The following MTUS1 variants were observed in gnomAD, a reference collection of about 807,000 sequenced individuals.
The protein encoded by MTUS1 is microtubule-associated tumor suppressor 1.
A neutral mutation model predicts 120.8 loss-of-function variants in MTUS1; 109 were observed. That is an observed-to-expected ratio of 0.90 (90% CI 0.77 to 1.06). The LOEUF (loss-of-function observed/expected upper bound fraction) is 1.06, where lower values mean the gene tolerates loss of function less well. MTUS1 is among the 50% of genes least tolerant of loss of function. The pLI is 0.00. For missense variants in MTUS1, 2,210 were observed against 1,486.3 expected (o/e 1.49, Z -8.01); for synonymous variants, 737 against 550.5 (o/e 1.34, Z -4.74).
chr8:17,789,485 AC>A (rs2051591821), intron 1 of MTUS1, among the ~76,000 whole-genome samples: 1 of 152,192 alleles, frequency 6.6e-6, no homozygotes, highest in Non-Finnish European at 1.5e-5. Flanking sequence ...ATGACCATGA[AC>A]ATTTCCTTGT....
chr8:17,707,202 T>C (rs1288357300), intron 6 of MTUS1, among the ~76,000 whole-genome samples: 2 of 152,314 alleles, frequency 1.3e-5, no homozygotes, highest in Admixed American at 1.3e-4. Flanking sequence ...AATATCACAG[T>C]AGGGAGAAAT....
chr8:17,761,288 A>G (rs1413147018), intron 1 of MTUS1, among the ~76,000 whole-genome samples: 1 of 152,200 alleles, frequency 6.6e-6, no homozygotes, highest in Non-Finnish European at 1.5e-5. Flanking sequence ...CAAAGATAAA[A>G]AATTCCATTA....
intron 1 of MTUS1, among the ~76,000 whole-genome samples, chr8:17,760,381 G>T (rs1364429559): frequency 6.6e-6 from 1 of 152,050 alleles, no homozygotes; most frequent in African/African-American, 2.4e-5. Flanking sequence ...GTGGTACAGG[G>T]ATTTGGATAT....
At chr8:17,756,954 G>C (rs1467914495) in intron 1 of MTUS1, among the ~76,000 whole-genome samples, 1 of 152,168 alleles carries the variant, frequency 6.6e-6, no homozygotes, top group East Asian at 1.9e-4. Flanking sequence ...AGTTTTTGTT[G>C]TTTAAGCCAT....
chr8:17,748,016 C>T (rs1222037676), intron 2 of MTUS1: 1 of 152,146 alleles, frequency 6.6e-6, no homozygotes, highest in Non-Finnish European at 1.5e-5. Context: ...TTATTCAATT[C>T]CCTCCCACTG....
intron 6 of MTUS1, among the ~76,000 whole-genome samples, chr8:17,711,991 G>A (rs965682890): frequency 5.9e-5 from 9 of 152,140 alleles, no homozygotes; most frequent in African/African-American, 2.2e-4. Context: ...GGTCCATGGT[G>A]TCCCAAAACA....
At chr8:17,697,361 T>C (rs1199316076) in intron 6 of MTUS1, 12 of 1,613,890 alleles carry the variant, frequency 7.4e-6, no homozygotes, top group East Asian at 2.2e-5. Flanking sequence ...TAAGGAGAAT[T>C]TGGGAGACAA....
intron 7 of MTUS1, chr8:17,676,137 A>G (rs373666699): frequency 9.4e-6 from 6 of 638,002 alleles, no homozygotes; most frequent in Non-Finnish European, 1.7e-5. Context: ...TCCTGATCAC[A>G]GCGTTGCAGA....
intron 1 of MTUS1, among the ~76,000 whole-genome samples, chr8:17,756,970 G>A (rs552428657): frequency 9.8e-5 from 15 of 152,324 alleles, no homozygotes; most frequent in African/African-American, 3.6e-4. Flanking sequence ...GCCATCCAGT[G>A]TATGATAATT....
At chr8:17,785,644 T>C (rs1227604549) in intron 1 of MTUS1, among the ~76,000 whole-genome samples, 1 of 152,232 alleles carries the variant, frequency 6.6e-6, no homozygotes, top group East Asian at 1.9e-4. Context: ...AAAATCTTGG[T>C]ACACTGTATT....
rs573229117 is a variant in MTUS1, at chr8:17,669,611, C to T, written c.2905+5575G>A. Among the ~76,000 whole-genome samples, 6 of 152,160 alleles carry T rather than the reference C, an allele frequency of 3.9e-5. No homozygotes were observed. The South Asian group carries it at 8.3e-4, about 21-fold the overall frequency. On this transcript the variant is annotated intron_variant, in intron 8 of 14. Transcript: ENST00000693296. Reference sequence around the variant, plus strand: ...CTATAATCCCAACACTTTGGGAGGCCGCAGCAGGTGGATCACCTGAGGTCA... The same window carrying T: ...CTATAATCCCAACACTTTGGGAGGCTGCAGCAGGTGGATCACCTGAGGTCA...
At chr8:17,714,963 T>G (rs965255181) in intron 5 of MTUS1, among the ~76,000 whole-genome samples, 55 of 129,686 alleles carry the variant, frequency 4.2e-4, no homozygotes, top group African/African-American at 1.5e-3. Flanking sequence ...GGGAGTGCAG[T>G]GGCGCGATCT....
intron 8 of MTUS1, among the ~76,000 whole-genome samples, chr8:17,657,309 C>T (rs1242388414): frequency 6.6e-6 from 1 of 151,740 alleles, no homozygotes; most frequent in Admixed American, 6.6e-5. Flanking sequence ...TGGCTCACGC[C>T]TGTAATCCCA....
At chr8:17,725,050 C>G (rs568543087) in intron 3 of MTUS1, among the ~76,000 whole-genome samples, 6 of 152,242 alleles carry the variant, frequency 3.9e-5, no homozygotes, top group African/African-American at 1.4e-4. Context: ...ACCACCCCAC[C>G]CAGCCATATA....
At chr8:17,676,816 G>T (rs1182182487) in intron 7 of MTUS1, among the ~76,000 whole-genome samples, 1 of 152,160 alleles carries the variant, frequency 6.6e-6, no homozygotes, top group African/African-American at 2.4e-5. Flanking sequence ...TATGAACTAG[G>T]TGAAGAGCAA....
chr8:17,781,729 C>G (rs1301664853), intron 1 of MTUS1, among the ~76,000 whole-genome samples: 1 of 152,184 alleles, frequency 6.6e-6, no homozygotes, highest in African/African-American at 2.4e-5. Flanking sequence ...TCCTGCTCGA[C>G]GGCCTCCTGC....
intron 2 of MTUS1, among the ~76,000 whole-genome samples, chr8:17,745,526 G>A (rs530494749): frequency 1.3e-5 from 2 of 152,294 alleles, no homozygotes; most frequent in Non-Finnish European, 2.9e-5. Flanking sequence ...ACAGAGGGCT[G>A]ACTGTATTCA....
intron 3 of MTUS1, among the ~76,000 whole-genome samples, chr8:17,737,679 G>A (rs1280528780): frequency 1.3e-5 from 2 of 152,044 alleles, no homozygotes; most frequent in Admixed American, 6.6e-5. Context: ...TAAAGACAGG[G>A]TCTCACTCTG....
chr8:17,734,658 A>T (rs977530644), intron 3 of MTUS1, among the ~76,000 whole-genome samples: 1 of 152,228 alleles, frequency 6.6e-6, no homozygotes, highest in African/African-American at 2.4e-5. Flanking sequence ...ATTTAAATTC[A>T]GAGGGGAATA....
Sources: gnomAD v4.1 joint callset for allele counts (sites outside exome capture counted in the v4.1 genomes callset) on GRCh38, gnomAD v4.1.1 for gene constraint, MANE v1.5 for transcripts, NCBI Gene and HGNC (gene_info 2026-07-23, HGNC 2026-07-21) for gene names.